Variants in IQCB1 observed in about 807,000 individuals in gnomAD.
IQCB1 encodes the protein IQ calmodulin-binding motif-containing protein 1.
IQCB1 carries 56 observed loss-of-function variants against 84.4 expected under a neutral mutation model. The observed-to-expected ratio is 0.66, with a 90% CI of 0.54 to 0.83. The LOEUF is 0.83. Among genes scored for constraint, IQCB1 ranks in the 40% least tolerant of loss-of-function variants. IQCB1 has a pLI of 0.00. For synonymous variants in IQCB1, 210 were observed against 234.8 expected, an observed-to-expected ratio of 0.89 and a Z score of 0.96; for missense variants, 629 against 682.1, an observed-to-expected ratio of 0.92 and a Z score of 0.87.
At chr3:121,793,329 AG>A (rs1949066593) in intron 10 of IQCB1, among the ~76,000 whole-genome samples, 1 of 152,246 alleles carries the variant, frequency 6.6e-6, no homozygotes, top group Non-Finnish European at 1.5e-5. Flanking sequence ...AAAGTGCATT[AG>A]CAAGGGCGTG....
intron 5 of IQCB1, among the ~76,000 whole-genome samples, chr3:121,815,239 T>C (rs965629890): frequency 3.3e-5 from 5 of 152,162 alleles, no homozygotes; most frequent in Non-Finnish European, 1.5e-5. Context: ...CTCAATGAAC[T>C]AGGTATCGAT....
chr3:121,786,904 C>A (rs1413286155), intron 12 of IQCB1, among the ~76,000 whole-genome samples: 1 of 152,098 alleles, frequency 6.6e-6, no homozygotes, highest in Admixed American at 6.5e-5. Context: ...ATTTCTATGA[C>A]AGGGAAGACT....
intron 1 of IQCB1, among the ~76,000 whole-genome samples, chr3:121,834,716 C>G (rs1380717464): frequency 6.6e-6 from 1 of 152,176 alleles, no homozygotes; most frequent in Non-Finnish European, 1.5e-5. Flanking sequence ...CTCCTTTACT[C>G]CAGATTCTAG....
At position 121,828,954 on chromosome 3, in the gene IQCB1, G is replaced by T. The variant is rs771725014; in HGVS notation, c.7C>A (p.Pro3Thr). The change falls in exon 3 of 15, where the codon CCA (proline) becomes ACA (threonine). Residue 3 changes from proline to threonine, a missense_variant. Coordinates refer to ENST00000310864, the MANE Select transcript of IQCB1 (RefSeq NM_001023570.4). MKPTGTDPRILSI... is the reference protein window; with the variant it reads MKTTGTDPRILSI... ...AAGATCCTTGGGTCTGTACCTGTTG[G>T]CTTCATTTCTCTTATTACCTATATT... 1.2e-6 allele frequency: 2 copies of T among 1,604,574 alleles called. No individual in the cohort carries two copies. The highest frequency in any genetic ancestry group is 1.7e-5 in the Admixed American group (1 of 59,976).
chr3:121,809,900 T>A (rs1313534852), intron 5 of IQCB1, among the ~76,000 whole-genome samples: 1 of 151,000 alleles, frequency 6.6e-6, no homozygotes, highest in Admixed American at 6.6e-5. Flanking sequence ...TTTCCTAATA[T>A]CCTAGGAATA....
chr3:121,819,161 T>A (rs1259644206), intron 5 of IQCB1, among the ~76,000 whole-genome samples: 3 of 152,178 alleles, frequency 2.0e-5, no homozygotes, highest in Non-Finnish European at 2.9e-5. Context: ...ATGAAATAAT[T>A]ATACAACTCA....
intron 2 of IQCB1, among the ~76,000 whole-genome samples, chr3:121,832,058 T>C (rs1576625307): frequency 6.6e-6 from 1 of 152,210 alleles, no homozygotes; most frequent in East Asian, 1.9e-4. Context: ...TGCCAATCTG[T>C]TAGATGAAAA....
At chr3:121,814,992 A>G (rs1350767678) in intron 5 of IQCB1, among the ~76,000 whole-genome samples, 4 of 152,240 alleles carry the variant, frequency 2.6e-5, no homozygotes, top group African/African-American at 4.8e-5. Context: ...TCTCATGAAC[A>G]TCAATGCGAA....
At chr3:121,800,234 A>G (rs973762710) in intron 7 of IQCB1, among the ~76,000 whole-genome samples, 3 of 151,930 alleles carry the variant, frequency 2.0e-5, no homozygotes, top group Non-Finnish European at 4.4e-5. Flanking sequence ...TCTTCGACAA[A>G]CCAACTCCAT....
At chr3:121,826,029 A>G in intron 5 of IQCB1, 22 bp downstream of exon 5, 1 of 1,600,084 alleles carries the variant, frequency 6.2e-7, no homozygotes, top group Non-Finnish European at 8.6e-7. Flanking sequence ...ATTTAGCTAC[A>G]AAAGACTAAA....
At chr3:121,799,086 A>C (rs1260950582) in intron 8 of IQCB1, 110 bp downstream of exon 8, 1 of 758,712 alleles carries the variant, frequency 1.3e-6, no homozygotes. Flanking sequence ...AGTTTTATCT[A>C]CATAGGTCAG....
chr3:121,808,815 T>C (rs1559784779), intron 6 of IQCB1, 101 bp downstream of exon 6: 1 of 733,146 alleles, frequency 1.4e-6, no homozygotes, highest in Admixed American at 2.1e-5. Context: ...AGTGTGGTTA[T>C]CTGCACAGTT....
chr3:121,776,308 T>C (rs1948225375), intron 13 of IQCB1, among the ~76,000 whole-genome samples: 2 of 152,232 alleles, frequency 1.3e-5, no homozygotes, highest in South Asian at 4.1e-4. Context: ...TTTTTGGCCA[T>C]GAGCATTCAT....
At position 121,775,433 on chromosome 3, in the gene IQCB1, G is replaced by A. The variant is rs145753559; in HGVS notation, c.1411-2720C>T. Reference sequence around the variant, plus strand: ...AGTGGAAGTTGAACAATGAGAACACGTGGACGCAGGGAGGGGAACATCACA... The same window carrying A: ...AGTGGAAGTTGAACAATGAGAACACATGGACGCAGGGAGGGGAACATCACA... On this transcript the variant is annotated intron_variant, in intron 13 of 14. Coordinates refer to ENST00000310864, the MANE Select transcript of IQCB1 (RefSeq NM_001023570.4). 5.1e-3 allele frequency among the ~76,000 whole-genome samples: 780 copies of A among 152,276 alleles called. 10 individuals carry two copies. Among genetic ancestry groups the A allele is most frequent in the Non-Finnish European group, 3.7e-3 (251 of 68,026 alleles).
chr3:121,797,031 G>A (rs1484614349), intron 9 of IQCB1, 87 bp downstream of exon 9: 5 of 791,536 alleles, frequency 6.3e-6, no homozygotes, highest in Non-Finnish European at 1.1e-5. Flanking sequence ...AATCTTAAGA[G>A]AAAGAAAGTG....
At position 121,782,317 on chromosome 3, in the gene IQCB1, G is replaced by A. The variant is rs550464070; in HGVS notation, c.1279-443C>T. On this transcript the variant is annotated intron_variant, in intron 12 of 14. Coordinates refer to ENST00000310864, the MANE Select transcript of IQCB1 (RefSeq NM_001023570.4). ...CTCATGTCCTTCAGAATGGACTCTG[G>A]TAAAAAGAAATTTTGTAATAGGCAT... Among the ~76,000 whole-genome samples the A allele has an allele frequency of 9.2e-5, 14 of 152,310 alleles. No individual in the cohort carries two copies. In the South Asian group the frequency reaches 2.9e-3, roughly 32 times the overall value.
intron 2 of IQCB1, chr3:121,834,013 T>C (rs1708107493): frequency 6.6e-6 from 1 of 152,218 alleles, no homozygotes; most frequent in Non-Finnish European, 1.5e-5. Flanking sequence ...ACTTAAACTC[T>C]GGAGAATGTA....
At chr3:121,777,033 T>G (rs545336266) in intron 13 of IQCB1, among the ~76,000 whole-genome samples, 22 of 152,358 alleles carry the variant, frequency 1.4e-4, no homozygotes, top group African/African-American at 5.3e-4. Context: ...TTTTGAATCA[T>G]GCTTCTGGTA....
chr3:121,803,337 C>G (rs752037494), intron 7 of IQCB1, among the ~76,000 whole-genome samples: 3 of 152,190 alleles, frequency 2.0e-5, no homozygotes, highest in Non-Finnish European at 4.4e-5. Flanking sequence ...AGGTGTGAGC[C>G]ACCGTGCCCG....
Sources: allele counts gnomAD v4.1 joint callset (sites outside exome capture counted in the v4.1 genomes callset), GRCh38; gene constraint gnomAD v4.1.1; transcripts MANE v1.5; gene names NCBI Gene and HGNC (gene_info 2026-07-23, HGNC 2026-07-21).